The following FBXL17 variants were observed in gnomAD, a reference collection of about 807,000 sequenced individuals.
FBXL17 encodes the protein F-box and leucine rich repeat protein 17.
In FBXL17, 22 loss-of-function variants were observed where a neutral mutation model predicts 66.2. The observed-to-expected ratio is 0.33, with a 90% confidence interval of 0.24 to 0.47. FBXL17 has a LOEUF of 0.47. FBXL17 is among the 20% of genes least tolerant of loss of function. The pLI is 1.00. For missense variants in FBXL17, 878 were observed against 948.2 expected (o/e 0.93, Z 0.97); for synonymous variants, 474 against 400.5 (o/e 1.18, Z -2.19).
In FBXL17 at chr5:107,896,563, T is replaced by A. The variant is rs572446606; in HGVS notation, c.1823-15384A>T. Reference sequence around the variant, plus strand: ...CATAGTAAAAAGTGATCTCTTGCAGTTCTTGTCTATTTTTTTATCATGTTT... The same window carrying A: ...CATAGTAAAAAGTGATCTCTTGCAGATCTTGTCTATTTTTTTATCATGTTT... On this transcript the variant is annotated intron_variant, in intron 7 of 8. Transcript: ENST00000542267. 2.0e-5 allele frequency among the ~76,000 whole-genome samples: 3 copies of A among 152,284 alleles called. No homozygotes were observed. The East Asian group carries it at 5.8e-4, about 29-fold the overall frequency.
At chr5:108,338,171 T>C (rs1168609746) in intron 4 of FBXL17, among the ~76,000 whole-genome samples, 1 of 142,174 alleles carries the variant, frequency 7.0e-6, no homozygotes, top group Non-Finnish European at 1.5e-5. Context: ...AGTTTTATCA[T>C]GTTCTCAGAG....
At chr5:108,243,640 C>T (rs1206067439) in intron 4 of FBXL17, among the ~76,000 whole-genome samples, 1 of 152,070 alleles carries the variant, frequency 6.6e-6, no homozygotes, top group African/African-American at 2.4e-5. Flanking sequence ...AGTAAAGAAA[C>T]CTTCTTCCGT....
At position 108,352,245 on chromosome 5, in the gene FBXL17, T is replaced by C. The variant is rs1000191373; in HGVS notation, c.1375-3715A>G. On this transcript the variant is annotated intron_variant, in intron 3 of 8. Transcript: ENST00000542267. ...AAGACCAGACCCAAATCAGTGCCTA[T>C]CTGCACTACTCACCATTACGCCATC... Among the ~76,000 whole-genome samples, 16 of 152,346 alleles carry C rather than the reference T, an allele frequency of 1.1e-4. No homozygotes were observed. The East Asian group carries it at 3.1e-3, about 29-fold the overall frequency.
intron 1 of FBXL17, among the ~76,000 whole-genome samples, chr5:108,370,231 C>G (rs1748936565): frequency 6.6e-6 from 1 of 152,102 alleles, no homozygotes; most frequent in Non-Finnish European, 1.5e-5. Flanking sequence ...AACATTATAA[C>G]ACAATGATGT....
intron 5 of FBXL17, among the ~76,000 whole-genome samples, chr5:108,218,704 T>C (rs1033195428): frequency 2.0e-5 from 3 of 152,122 alleles, no homozygotes; most frequent in Non-Finnish European, 4.4e-5. Flanking sequence ...TTTTTTCATA[T>C]ACTTGCTGGC....
At chr5:108,213,044 G>A (rs1408771463) in intron 5 of FBXL17, among the ~76,000 whole-genome samples, 1 of 152,094 alleles carries the variant, frequency 6.6e-6, no homozygotes, top group Non-Finnish European at 1.5e-5. Flanking sequence ...AGGCCATGCT[G>A]AGCTGCACTG....
chr5:107,962,238 C>T (rs1357435221), intron 7 of FBXL17, among the ~76,000 whole-genome samples: 5 of 152,092 alleles, frequency 3.3e-5, no homozygotes, highest in East Asian at 3.9e-4. Flanking sequence ...CTTTATGTTA[C>T]GTATACCTCA....
At chr5:108,352,742 C>G (rs980002097) in intron 3 of FBXL17, among the ~76,000 whole-genome samples, 1 of 152,168 alleles carries the variant, frequency 6.6e-6, no homozygotes, top group African/African-American at 2.4e-5. Flanking sequence ...AACTCCTGAC[C>G]TCATGATCCG....
intron 6 of FBXL17, among the ~76,000 whole-genome samples, chr5:108,090,410 G>C (rs1749144085): frequency 6.6e-6 from 1 of 151,894 alleles, no homozygotes; most frequent in Non-Finnish European, 1.5e-5. Flanking sequence ...GCCTTCCCTG[G>C]CTTCAGCATT....
intron 6 of FBXL17, among the ~76,000 whole-genome samples, chr5:108,144,342 T>C (rs1751476544): frequency 6.6e-6 from 1 of 152,180 alleles, no homozygotes. Flanking sequence ...TTGGGCCGAA[T>C]TTAGGTATTC....
chr5:108,307,961 A>G (rs953511525), intron 4 of FBXL17, among the ~76,000 whole-genome samples: 3 of 152,156 alleles, frequency 2.0e-5, no homozygotes, highest in Non-Finnish European at 4.4e-5. Flanking sequence ...AGTAGTGTGT[A>G]ACGGAAAACA....
intron 1 of FBXL17, 97 bp downstream of exon 1, chr5:108,380,602 C>T (rs1221951750): frequency 6.5e-6 from 5 of 765,394 alleles, no homozygotes; most frequent in African/African-American, 1.8e-5. Context: ...AGGGAACCCC[C>T]CTCCTCCGCG....
intron 7 of FBXL17, among the ~76,000 whole-genome samples, chr5:107,997,015 G>T (rs976468569): frequency 6.6e-6 from 1 of 152,206 alleles, no homozygotes; most frequent in East Asian, 1.9e-4. Context: ...CTTATAACCA[G>T]TTAATATCAG....
In FBXL17 at chr5:108,069,772, C is replaced by T. The variant is rs374775754; in HGVS notation, c.1746-48771G>A. ...TGGAGGAAGAAATAAGAGCTGACAA[C>T]TCCTTACATATATCTTTCTAATTTC... On this transcript the variant is annotated intron_variant, in intron 6 of 8. Transcript: ENST00000542267. Among the ~76,000 whole-genome samples, 16 of 152,318 alleles carry T rather than the reference C, an allele frequency of 1.1e-4. 1 individual carries two copies. The South Asian group carries it at 2.9e-3, about 28-fold the overall frequency.
chr5:108,270,358 C>T (rs1757216151), intron 4 of FBXL17, among the ~76,000 whole-genome samples: 1 of 151,476 alleles, frequency 6.6e-6, no homozygotes, highest in Non-Finnish European at 1.5e-5. Flanking sequence ...AAATGAAATG[C>T]ACCTAAATCA....
At chr5:108,093,739 T>C (rs1345355760) in intron 6 of FBXL17, among the ~76,000 whole-genome samples, 1 of 152,194 alleles carries the variant, frequency 6.6e-6, no homozygotes, top group African/African-American at 2.4e-5. Context: ...TGGGTAGGTC[T>C]AAGGGTAAGT....
chr5:108,360,305 T>C (rs1748262351), intron 3 of FBXL17, among the ~76,000 whole-genome samples: 1 of 152,174 alleles, frequency 6.6e-6, no homozygotes, highest in Non-Finnish European at 1.5e-5. Context: ...TTTGCTTATC[T>C]GGAAATATCT....
intron 6 of FBXL17, among the ~76,000 whole-genome samples, chr5:108,099,951 T>A (rs1749537677): frequency 6.6e-6 from 1 of 152,174 alleles, no homozygotes; most frequent in African/African-American, 2.4e-5. Flanking sequence ...GAAATTAGGT[T>A]GTCTGGTGTG....
At chr5:108,373,888 A>G (rs1309069838) in intron 1 of FBXL17, among the ~76,000 whole-genome samples, 1 of 152,214 alleles carries the variant, frequency 6.6e-6, no homozygotes, top group East Asian at 1.9e-4. Context: ...ACTGCATTCC[A>G]GCCTGGACAA....
Sources: allele counts gnomAD v4.1 joint callset (sites outside exome capture counted in the v4.1 genomes callset), GRCh38; gene constraint gnomAD v4.1.1; transcripts MANE v1.5; gene names NCBI Gene and HGNC (gene_info 2026-07-23, HGNC 2026-07-21).